Variants in ERCC1 observed in about 807,000 individuals in gnomAD.
ERCC1 encodes ERCC excision repair 1, endonuclease non-catalytic subunit.
Under a neutral mutation model 37.6 loss-of-function variants are expected in ERCC1, and 36 were observed. That is an observed-to-expected ratio of 0.96 (90% CI 0.73 to 1.26). The LOEUF is 1.26. ERCC1 is among the 50% of genes most tolerant of loss of function. The pLI, the probability that ERCC1 is intolerant of heterozygous loss-of-function variation, is 0.00. For synonymous variants in ERCC1, 156 were observed against 162.1 expected (o/e 0.96, Z 0.28); for missense variants, 349 against 376.5 (o/e 0.93, Z 0.60).
Position 45,408,106 on chromosome 19 carries a change from C to G in ERCC1, c.*1569G>C, listed in dbSNP as rs1295783786. On this transcript the variant is annotated 3_prime_UTR_variant, in exon 10 of 10. Coordinates refer to ENST00000300853, the MANE Select transcript of ERCC1 (RefSeq NM_001983.4). Reference sequence around the variant, plus strand: ...CTTCCCTCTCCTGTTCCACTTAAGCCTCTGCCCTCCCTGTTTCTCTCTGTA... The same window carrying G: ...CTTCCCTCTCCTGTTCCACTTAAGCGTCTGCCCTCCCTGTTTCTCTCTGTA... 6.4e-7 allele frequency: 1 copy of G among 1,566,652 alleles called. No homozygotes were observed. Among genetic ancestry groups the G allele is most frequent in the African/African-American group, 1.4e-5 (1 of 73,370 alleles).
chr19:45,410,811 CAT>C, intron 9 of ERCC1: 1 of 152,008 alleles, frequency 6.6e-6, no homozygotes, highest in East Asian at 1.9e-4. Context: ...GACAGGATCT[CAT>C]GTTTTTTTTG....
chr19:45,427,956 G>A (rs1415390353), upstream of ERCC1, among the ~76,000 whole-genome samples: 1 of 152,148 alleles, frequency 6.6e-6, no homozygotes, highest in Admixed American at 6.6e-5. Context: ...ATTCTGAATC[G>A]GTTAACGTTA....
intron 1 of ERCC1, among the ~76,000 whole-genome samples, chr19:45,431,754 G>A (rs1233290013): frequency 6.6e-6 from 1 of 151,732 alleles, no homozygotes; most frequent in Non-Finnish European, 1.5e-5. Flanking sequence ...AGCTGTGCTT[G>A]GTGGCGCGTG....
In ERCC1 at chr19:45,407,366, C is replaced by T. The variant is rs1199379365; in HGVS notation, c.*2309G>A. On this transcript the variant is annotated 3_prime_UTR_variant, in exon 10 of 10. Transcript: ENST00000300853. ...AAAGAAACAAGTTTATTGGAAACTA[C>T]TCCTTTACAGAGTAGAGTGTCCTCA... The T allele has an allele frequency of 1.2e-6, 1 of 827,410 alleles. No individual in the cohort carries two copies. Among genetic ancestry groups the T allele is most frequent in the Admixed American group, 3.0e-5 (1 of 32,878 alleles). The allele number at this position is 827,410 out of a possible 1,614,324, so 51.3% of individuals were successfully genotyped here. A position where few individuals can be genotyped will look rare whatever the true frequency, so the allele number is the denominator to read the frequency against.
At position 45,448,687 on chromosome 19, in the gene ERCC1, A is replaced by T. The variant is rs535347586; in HGVS notation, c.-7-25306T>A. Among the ~76,000 whole-genome samples, 193 of 151,024 alleles carry T rather than the reference A, an allele frequency of 1.3e-3. 2 individuals are homozygous for T. In the South Asian group the frequency reaches 0.015, roughly 12 times the overall value. Reference sequence around the variant, plus strand: ...GCATAGTAAGACCCCATCTTTATTTAAAAAAAAGTTTTTATTAATTTAAAA... The same window carrying T: ...GCATAGTAAGACCCCATCTTTATTTTAAAAAAAGTTTTTATTAATTTAAAA... On this transcript the variant is annotated intron_variant, in intron 1 of 8. Coordinates refer to the ERCC1 transcript ENST00000423698.
At chr19:45,450,089 T>C (rs980806091) in intron 1 of ERCC1, among the ~76,000 whole-genome samples, 32 of 152,156 alleles carry the variant, frequency 2.1e-4, no homozygotes, top group African/African-American at 7.2e-4. Flanking sequence ...ATGGTCACAA[T>C]TCTAGGGGTG....
upstream of ERCC1, among the ~76,000 whole-genome samples, chr19:45,428,022 A>G (rs534862579): frequency 6.6e-6 from 1 of 151,756 alleles, no homozygotes; most frequent in Non-Finnish European, 1.5e-5. Context: ...CAAGTTGGCA[A>G]GTTGGATGTT....
At chr19:45,412,648 C>T (rs539402018) in intron 9 of ERCC1, among the ~76,000 whole-genome samples, 3 of 151,998 alleles carry the variant, frequency 2.0e-5, no homozygotes, top group Non-Finnish European at 4.4e-5. Context: ...GATTCCTTGT[C>T]AGATGGTTAG....
chr19:45,423,687 G>A, intron 1 of ERCC1, 94 bp downstream of exon 1: 1 of 1,248,782 alleles, frequency 8.0e-7, no homozygotes, highest in Non-Finnish European at 1.0e-6. Flanking sequence ...GCATCTGGAC[G>A]CCCTCCCCAC....
At chr19:45,415,744 A>C (rs1167697601) in intron 6 of ERCC1, 1 of 455,478 alleles carries the variant, frequency 2.2e-6, no homozygotes, top group East Asian at 7.0e-5. Context: ...GCATCTTGAT[A>C]TCTTTTCTGG....
chr19:45,428,067 T>TTTTCTTTC (rs1174150788), upstream of ERCC1, among the ~76,000 whole-genome samples: 9 of 145,892 alleles, frequency 6.2e-5, no homozygotes, highest in Admixed American at 2.0e-4. Flanking sequence ...CTTTTTTTCT[T>TTTTCTTTC]TTTCTTTCTT....
chr19:45,438,268 A>G (rs946143668), intron 1 of ERCC1, among the ~76,000 whole-genome samples: 1 of 152,012 alleles, frequency 6.6e-6, no homozygotes, highest in Non-Finnish European at 1.5e-5. Context: ...GCATCTCACT[A>G]CATTGCCCAG....
chr19:45,445,011 T>TTG (rs1966898713), intron 1 of ERCC1, among the ~76,000 whole-genome samples: 1 of 152,034 alleles, frequency 6.6e-6, no homozygotes, highest in African/African-American at 2.4e-5. Flanking sequence ...CAACCGATTT[T>TTG]TTGTTGTTGT....
At position 45,408,727 on chromosome 19, in the gene ERCC1, G is replaced by A. The variant is rs1973500183; in HGVS notation, c.*948C>T. The A allele has an allele frequency of 1.9e-6, 3 of 1,614,002 alleles. No individual in the cohort carries two copies. The highest frequency in any genetic ancestry group is 2.5e-6 in the Non-Finnish European group (3 of 1,180,006). ...TGTTCCCGTCCACCACCAAGAAGAG[G>A]AAGAAGCCCAAAGGGAAAGAAACCT... is the stretch of plus-strand genomic sequence containing the variant. On this transcript the variant is annotated 3_prime_UTR_variant, in exon 10 of 10. Transcript: ENST00000300853.
In ERCC1 at chr19:45,420,821, C is replaced by G. The variant is rs1173226642; in HGVS notation, c.321+357G>C. On this transcript the variant is annotated intron_variant, in intron 3 of 9. Transcript: ENST00000300853. This position sits in a 1 kb window ranked among gnomAD's most constrained non-coding sequence, Gnocchi z 4.8. ...TGTTTTTAGTAGAGATGGGGTGTCACCATATTCGCCAGACTGGTCTCGAAC... is the reference window on the plus strand; with the variant it reads ...TGTTTTTAGTAGAGATGGGGTGTCAGCATATTCGCCAGACTGGTCTCGAAC... Among the ~76,000 whole-genome samples the G allele has an allele frequency of 2.6e-5, 4 of 152,132 alleles. No homozygotes were observed. Among genetic ancestry groups the G allele is most frequent in the African/African-American group, 4.8e-5 (2 of 41,434 alleles).
intron 9 of ERCC1, among the ~76,000 whole-genome samples, chr19:45,411,863 G>GT (rs1206923563): frequency 2.2e-5 from 3 of 135,672 alleles, no homozygotes; most frequent in African/African-American, 8.8e-5. Context: ...TTGGTTTTTG[G>GT]TTTTCTTTTT....
upstream of ERCC1, chr19:45,424,056 A>C (rs1974605195): frequency 1.9e-6 from 2 of 1,044,166 alleles, no homozygotes; most frequent in African/African-American, 1.7e-5. Context: ...CAAACTGTTA[A>C]GTTTCAAAGC....
At chr19:45,415,801 C>T (rs765457030) in intron 6 of ERCC1, 1 of 455,962 alleles carries the variant, frequency 2.2e-6, no homozygotes, top group Non-Finnish European at 4.4e-6. Context: ...CCCTGGGTAA[C>T]CCTGGGCCAG....
upstream of ERCC1, among the ~76,000 whole-genome samples, chr19:45,427,263 G>T (rs551721806): frequency 2.6e-5 from 4 of 152,176 alleles, no homozygotes; most frequent in Non-Finnish European, 5.9e-5. Flanking sequence ...GGTGGCTCAC[G>T]CCTAGTAGGA....
Sources: gnomAD v4.1 joint callset for allele counts (sites outside exome capture counted in the v4.1 genomes callset) on GRCh38, gnomAD v4.1.1 for gene constraint, Gnocchi (gnomAD v3.1) non-coding constraint, MANE v1.5 for transcripts, NCBI Gene and HGNC (gene_info 2026-07-23, HGNC 2026-07-21) for gene names.